The following SPAM1 variants were observed in gnomAD, a reference collection of about 807,000 sequenced individuals.
SPAM1 encodes sperm adhesion molecule 1.
SPAM1 carries 22 observed loss-of-function variants against 29.6 expected under a neutral mutation model. That is an observed-to-expected ratio of 0.74 (90% confidence interval 0.53 to 1.06). The LOEUF (loss-of-function observed/expected upper bound fraction) is 1.06. SPAM1 is among the 50% of genes least tolerant of loss of function. The probability of loss-of-function intolerance (pLI) is 0.00; values close to 1 mark genes in which losing one functional copy is unlikely to be tolerated. For synonymous variants in SPAM1, 194 were observed against 204.6 expected (o/e 0.95, Z 0.44); for missense variants, 534 against 604.0 (o/e 0.88, Z 1.21).
At chr7:123,960,803 A>G (rs1299203304), downstream of SPAM1, among the ~76,000 whole-genome samples, 2 of 151,956 alleles carry the variant, frequency 1.3e-5, no homozygotes, top group Non-Finnish European at 2.9e-5. Flanking sequence ...TTTCCGTGAA[A>G]AAAAAGGAAA....
intron 4 of SPAM1, among the ~76,000 whole-genome samples, chr7:123,956,109 T>C (rs36031479): frequency 0.015 from 2,310 of 152,176 alleles, 31 homozygotes; most frequent in Non-Finnish European, 0.023. Flanking sequence ...TGACATGACA[T>C]ACTATTTAAG....
At chr7:123,967,394 T>C (rs947493738) in intron 5 of SPAM1, among the ~76,000 whole-genome samples, 9 of 152,108 alleles carry the variant, frequency 5.9e-5, no homozygotes, top group Non-Finnish European at 1.0e-4. Flanking sequence ...AATGTACTTA[T>C]AAAACTGATT....
At chr7:123,936,042 G>A (rs2117027777) in intron 1 of SPAM1, among the ~76,000 whole-genome samples, 1 of 152,258 alleles carries the variant, frequency 6.6e-6, no homozygotes, top group Middle Eastern at 3.4e-3. Context: ...TTGTATTACT[G>A]TGTTCTCAAC....
At chr7:123,935,760 T>G (rs952380270) in intron 1 of SPAM1, among the ~76,000 whole-genome samples, 1 of 152,198 alleles carries the variant, frequency 6.6e-6, no homozygotes, top group African/African-American at 2.4e-5. Flanking sequence ...CATTTTATGC[T>G]GTTACTCAGT....
Position 123,953,352 on chromosome 7 carries a change from A to G in SPAM1, c.-206-13A>G, listed in dbSNP as rs1233489461. ...AATGCATCATAACAATGTATTCTGTATTTCTTTTTCAGTTATAGGTGATGC... is the reference window on the plus strand; with the variant it reads ...AATGCATCATAACAATGTATTCTGTGTTTCTTTTTCAGTTATAGGTGATGC... On this transcript the variant is annotated splice_polypyrimidine_tract_variant and intron_variant, in intron 2 of 4. Coordinates refer to ENST00000682466, the MANE Select transcript of SPAM1 (RefSeq NM_153189.3). 1 of 430,706 alleles carries G rather than the reference A, an allele frequency of 2.3e-6. No homozygotes were observed. Among genetic ancestry groups the G allele is most frequent in the East Asian group, 3.5e-5 (1 of 28,584 alleles). The allele number at this position is 430,706 out of a possible 1,614,324, so 26.7% of individuals were successfully genotyped here. A position where few individuals can be genotyped will look rare whatever the true frequency, so the allele number is the denominator to read the frequency against.
At chr7:123,927,214 A>G (rs948635304) in intron 1 of SPAM1, among the ~76,000 whole-genome samples, 6 of 152,208 alleles carry the variant, frequency 3.9e-5, no homozygotes, top group Non-Finnish European at 8.8e-5. Flanking sequence ...ATAAAAAATC[A>G]GAGCTTAGTC....
At chr7:123,947,092 G>A (rs1808599580) in intron 1 of SPAM1, among the ~76,000 whole-genome samples, 1 of 151,944 alleles carries the variant, frequency 6.6e-6, no homozygotes, top group Admixed American at 6.6e-5. Flanking sequence ...TATCCAACCT[G>A]TTTTATCATT....
intron 1 of SPAM1, among the ~76,000 whole-genome samples, chr7:123,927,138 T>A (rs1807912289): frequency 6.6e-6 from 1 of 152,154 alleles, no homozygotes. Flanking sequence ...ATAAAACCCA[T>A]CTGATGAGAA....
Position 123,970,183 on chromosome 7 carries a change from A to T in SPAM1, c.1486-15A>T, listed in dbSNP as rs1001069638. The T allele has an allele frequency of 1.9e-6, 3 of 1,547,976 alleles. No homozygotes were observed. The African/African-American group carries it at 4.1e-5, about 21-fold the overall frequency. On this transcript the variant is annotated splice_polypyrimidine_tract_variant and intron_variant, in intron 5 of 6. Coordinates refer to the SPAM1 transcript ENST00000340011. ...TTAAACAACAGAAATTAATTTTCTT[A>T]TGGTTTTCTTACAGTGGAGGCTGGA...
At position 123,928,603 on chromosome 7, in the gene SPAM1, A is replaced by C. The variant is rs542830997; in HGVS notation, c.-319+3251A>C. Among the ~76,000 whole-genome samples the C allele has an allele frequency of 5.6e-4, 85 of 152,298 alleles. 1 individual carries two copies. The South Asian group carries it at 0.017, about 31-fold the overall frequency. ...AGCTGAATAGAATTAGAGATGATAG[A>C]GATGAATACTTTGAGCCAGAAGTAG... On this transcript the variant is annotated intron_variant, in intron 1 of 4. Transcript: ENST00000682466.
chr7:123,951,427 T>C (rs1808762804), intron 2 of SPAM1, among the ~76,000 whole-genome samples: 1 of 152,154 alleles, frequency 6.6e-6, no homozygotes, highest in African/African-American at 2.4e-5. Context: ...AAGACGTTAT[T>C]CTTGATGCTA....
At chr7:123,965,027 A>G (rs533430957), downstream of SPAM1, among the ~76,000 whole-genome samples, 102 of 152,102 alleles carry the variant, frequency 6.7e-4, 1 homozygote, top group South Asian at 7.2e-3. Context: ...TTATTATACA[A>G]CAATCATATG....
chr7:123,965,359 G>A (rs192853031), intron 5 of SPAM1, among the ~76,000 whole-genome samples: 8 of 152,050 alleles, frequency 5.3e-5, no homozygotes, highest in Admixed American at 2.6e-4. Context: ...TGGCATTTTC[G>A]TCATGATATC....
At chr7:123,932,989 G>A (rs1362746177) in intron 1 of SPAM1, among the ~76,000 whole-genome samples, 4 of 151,878 alleles carry the variant, frequency 2.6e-5, no homozygotes, top group African/African-American at 7.3e-5. Flanking sequence ...CTCATGAATT[G>A]AAGTGACAAA....
chr7:123,930,734 T>C (rs1490365590), intron 1 of SPAM1, among the ~76,000 whole-genome samples: 3 of 152,138 alleles, frequency 2.0e-5, no homozygotes, highest in African/African-American at 7.2e-5. Flanking sequence ...TAGGATTTAC[T>C]GGGGGAACTT....
chr7:123,962,374 T>C (rs754427806), downstream of SPAM1, among the ~76,000 whole-genome samples: 1 of 151,954 alleles, frequency 6.6e-6, no homozygotes, highest in Non-Finnish European at 1.5e-5. Flanking sequence ...TTTTTGCTGT[T>C]GAATTGTTTG....
At chr7:123,956,401 T>G (rs1000845464) in intron 4 of SPAM1, among the ~76,000 whole-genome samples, 1 of 152,044 alleles carries the variant, frequency 6.6e-6, no homozygotes, top group African/African-American at 2.4e-5. Flanking sequence ...ACATGTTATG[T>G]TTTCTCTGAT....
In SPAM1 at chr7:123,931,854, A is replaced by G. The variant is rs545744988; in HGVS notation, c.-319+6502A>G. ...CCGAGATCTCAGAACATAAAAAGCG[A>G]TGAAAGGAGAATCTCATCTTTTTTA... On this transcript the variant is annotated intron_variant, in intron 1 of 4. Coordinates refer to ENST00000682466, the MANE Select transcript of SPAM1 (RefSeq NM_153189.3). Among the ~76,000 whole-genome samples, 173 of 152,322 alleles carry G rather than the reference A, an allele frequency of 1.1e-3. 5 individuals carry two copies. The highest frequency in any genetic ancestry group is 0.011 in the Admixed American group (170 of 15,302).
At chr7:123,928,161 A>T (rs1425723263) in intron 1 of SPAM1, among the ~76,000 whole-genome samples, 1 of 152,150 alleles carries the variant, frequency 6.6e-6, no homozygotes, top group Non-Finnish European at 1.5e-5. Flanking sequence ...TGTAGGTTCA[A>T]TTCCTTATTT....
Sources: gnomAD v4.1 joint callset for allele counts (sites outside exome capture counted in the v4.1 genomes callset) on GRCh38, gnomAD v4.1.1 for gene constraint, MANE v1.5 for transcripts, NCBI Gene and HGNC (gene_info 2026-07-23, HGNC 2026-07-21) for gene names.